Variants in PSME4 observed in about 807,000 individuals in gnomAD.
PSME4 encodes the protein proteasome activator complex subunit 4.
A neutral mutation model predicts 253.9 loss-of-function variants in PSME4; 89 were observed. The observed-to-expected ratio is 0.35, with a 90% confidence interval of 0.30 to 0.42. The LOEUF (loss-of-function observed/expected upper bound fraction) is 0.42. Ranked by LOEUF, PSME4 falls within the 10% of genes least tolerant of loss-of-function variation. The probability of loss-of-function intolerance (pLI) is 1.00; values close to 1 mark genes in which losing one functional copy is unlikely to be tolerated. For synonymous variants in PSME4, 851 were observed against 759.2 expected (o/e 1.12, Z -1.99); for missense variants, 2,014 against 2,195.2 (o/e 0.92, Z 1.65).
At chr2:53,901,220 G>A (rs138694135) in intron 28 of PSME4, 130 bp downstream of exon 28, 19 of 829,906 alleles carry the variant, frequency 2.3e-5, no homozygotes, top group East Asian at 2.1e-4. Flanking sequence ...GGTAACAAAC[G>A]CTTTTTTAAA....
At chr2:53,950,178 G>A (rs1328719545) in intron 1 of PSME4, among the ~76,000 whole-genome samples, 3 of 152,058 alleles carry the variant, frequency 2.0e-5, no homozygotes, top group South Asian at 2.1e-4. Context: ...CGGGTCGGGG[G>A]CTGAGGTGGG....
chr2:53,868,754 A>G (rs1203920237), intron 44 of PSME4, among the ~76,000 whole-genome samples: 1 of 151,418 alleles, frequency 6.6e-6, no homozygotes, highest in East Asian at 1.9e-4. Flanking sequence ...TCTAAATTCA[A>G]TAAAATTCCT....
rs1179018356 is a variant in PSME4 at position 53,970,805 on chromosome 2, C to G, written c.-21G>C. Reference sequence around the variant, plus strand: ...TCCATGAGCCCAGGGACACCCCCCCCACCCCCTCCCACCCGAACCCTCCCC... The same window carrying G: ...TCCATGAGCCCAGGGACACCCCCCCGACCCCCTCCCACCCGAACCCTCCCC... On this transcript the variant is annotated 5_prime_UTR_variant, in exon 1 of 47. Coordinates refer to ENST00000404125, the MANE Select transcript of PSME4 (RefSeq NM_014614.3). The G allele has an allele frequency of 6.1e-6, 9 of 1,481,968 alleles. No homozygotes were observed. Among genetic ancestry groups the G allele is most frequent in the Admixed American group, 4.5e-5 (2 of 44,694 alleles). The allele number at this position is 1,481,968 out of a possible 1,614,324, so 91.8% of individuals were successfully genotyped here. A position where few individuals can be genotyped will look rare whatever the true frequency, so the allele number is the denominator to read the frequency against.
chr2:53,944,771 G>A (rs550083582), intron 3 of PSME4, among the ~76,000 whole-genome samples: 33 of 152,150 alleles, frequency 2.2e-4, no homozygotes, highest in African/African-American at 7.2e-4. Flanking sequence ...GTGAGTGTGG[G>A]GAGCTGAGGA....
At chr2:53,901,222 T>C (rs1233031160) in intron 28 of PSME4, 128 bp downstream of exon 28, 10 of 874,314 alleles carry the variant, frequency 1.1e-5, no homozygotes, top group Non-Finnish European at 1.7e-5. Context: ...TAACAAACGC[T>C]TTTTTAAAAA....
intron 1 of PSME4, among the ~76,000 whole-genome samples, chr2:53,953,095 C>G (rs1478902077): frequency 6.6e-6 from 1 of 152,186 alleles, no homozygotes; most frequent in African/African-American, 2.4e-5. Context: ...GGAGGGACTC[C>G]TCAGAAAGCT....
At chr2:53,964,725 T>C (rs1670636654) in intron 1 of PSME4, among the ~76,000 whole-genome samples, 1 of 152,244 alleles carries the variant, frequency 6.6e-6, no homozygotes, top group Non-Finnish European at 1.5e-5. Flanking sequence ...ATGATATGAA[T>C]GTGGGTGCTC....
At chr2:53,914,739 G>T (rs1440777520) in intron 20 of PSME4, among the ~76,000 whole-genome samples, 1 of 152,060 alleles carries the variant, frequency 6.6e-6, no homozygotes. Flanking sequence ...AAATTAGCCG[G>T]GCATGGTGGC....
intron 14 of PSME4, among the ~76,000 whole-genome samples, chr2:53,924,420 T>A (rs951463251): frequency 6.6e-6 from 1 of 152,196 alleles, no homozygotes; most frequent in African/African-American, 2.4e-5. Context: ...AGGCTACAGA[T>A]AATAGGTACC....
chr2:53,904,121 G>A lies in PSME4; in HGVS notation c.2979C>T (p.Ala993=), dbSNP rs979602880. Residue 993 remains alanine (A), a synonymous_variant, in exon 27 of 47, where the codon GCC becomes GCT. Coordinates refer to ENST00000404125, the MANE Select transcript of PSME4 (RefSeq NM_014614.3). ...TGCAACAGAAGTTATATGCTCCCAA[G>A]GCAGCAAAAAATGTTTGCTGAGCCT... ...RNKAQQTFFA[A]LGAYNFCCRD... The A allele has an allele frequency of 1.2e-6, 2 of 1,612,816 alleles. No homozygotes were observed. Among genetic ancestry groups the A allele is most frequent in the African/African-American group, 2.7e-5 (2 of 74,846 alleles).
chr2:53,893,889 G>C (rs1680024921), intron 34 of PSME4, 90 bp from the exon 35 acceptor site: 1 of 1,431,114 alleles, frequency 7.0e-7, no homozygotes, highest in Non-Finnish European at 9.1e-7. Flanking sequence ...GATTTTGATA[G>C]TCAAAAGCAG....
In PSME4 at chr2:53,866,933, T is replaced by C. The variant is rs116619100; in HGVS notation, c.5264-53A>G. ...AAATATATATATGTCTCTAATGCAC[T>C]TGTTACAGTGAGATAAAATTAGTTT... On this transcript the variant is annotated intron_variant, in intron 44 of 46. Coordinates refer to ENST00000404125, the MANE Select transcript of PSME4 (RefSeq NM_014614.3). 1,939 of 1,516,726 alleles carry C rather than the reference T, an allele frequency of 1.3e-3. 25 individuals are homozygous for C. The African/African-American group carries it at 0.024, about 19-fold the overall frequency. 94.0% of individuals were successfully genotyped at this position (1,516,726 alleles called of 1,614,324 possible).
intron 41 of PSME4, among the ~76,000 whole-genome samples, chr2:53,876,065 G>A (rs148080801): frequency 1.2e-3 from 180 of 152,106 alleles, no homozygotes; most frequent in African/African-American, 4.1e-3. Context: ...CCTTAAAAAA[G>A]AATCATGTAA....
intron 37 of PSME4, 119 bp from the exon 38 acceptor site, chr2:53,888,931 C>T: frequency 1.3e-6 from 1 of 791,230 alleles, no homozygotes; most frequent in Non-Finnish European, 2.0e-6. Context: ...GTTGCCCAGG[C>T]TGGAGTGAAG....
rs907747817 is a variant in PSME4 at position 53,946,773 on chromosome 2, G to C, written c.500+1648C>G. ...ATAAAAAATTTTAAAAATTAGCCAGGCATGGTGGCACACGCCTGTGGTCCC... is the reference window on the plus strand; with the variant it reads ...ATAAAAAATTTTAAAAATTAGCCAGCCATGGTGGCACACGCCTGTGGTCCC... On this transcript the variant is annotated intron_variant, in intron 3 of 46. Coordinates refer to ENST00000404125, the MANE Select transcript of PSME4 (RefSeq NM_014614.3). Among the ~76,000 whole-genome samples the C allele has an allele frequency of 2.0e-5, 3 of 152,200 alleles. No homozygotes were observed. The South Asian group carries it at 6.2e-4, about 32-fold the overall frequency.
chr2:53,928,398 A>C (rs1237994840), intron 10 of PSME4, 95 bp from the exon 11 acceptor site: 1 of 1,025,272 alleles, frequency 9.8e-7, no homozygotes, highest in Non-Finnish European at 1.4e-6. Context: ...CTGCACTTTG[A>C]CTTAAAGGCT....
rs1034199373 is a variant in PSME4 at position 53,869,471 on chromosome 2, G to C, written c.5168C>G (p.Pro1723Arg). 3.7e-6 allele frequency: 6 copies of C among 1,604,916 alleles called. No individual in the cohort carries two copies. The highest frequency in any genetic ancestry group is 5.1e-6 in the Non-Finnish European group (6 of 1,173,588). The change falls in exon 44 of 47, where the codon CCT becomes CGT. Residue 1723 changes from proline (P) to arginine (R), a missense_variant. Physicochemically the swap from Pro to Arg is moderately radical, Grantham distance 103. Around this residue, in one of 4 missense-constraint regions of PSME4, gnomAD observed 403 missense variants for 556.1 expected, o/e 0.72. Transcript: ENST00000404125. ...AAGTTGCTCAAAATGAATCTGCATA[G>C]GACTGTCCATGGTAAGAAAGTTACA... is the stretch of plus-strand genomic sequence containing the variant. ...LQCNFLTMDS[P>R]MQIHFEQLCK...
At chr2:53,901,010 C>G (rs529871419) in intron 28 of PSME4, among the ~76,000 whole-genome samples, 1 of 152,258 alleles carries the variant, frequency 6.6e-6, no homozygotes, top group South Asian at 2.1e-4. Context: ...CGATCTTTTG[C>G]GACTTTGGCT....
chr2:53,963,499 T>A (rs978144705), intron 1 of PSME4, among the ~76,000 whole-genome samples: 3 of 152,224 alleles, frequency 2.0e-5, no homozygotes, highest in Non-Finnish European at 4.4e-5. Context: ...TATTAACCCA[T>A]GACTGTACAC....
Sources: allele counts gnomAD v4.1 joint callset (sites outside exome capture counted in the v4.1 genomes callset), GRCh38; gene constraint gnomAD v4.1.1; regional missense constraint gnomAD v4.1.1; transcripts MANE v1.5; gene names NCBI Gene and HGNC (gene_info 2026-07-23, HGNC 2026-07-21).